The following COMMD1 variants were observed in gnomAD, a reference collection of about 807,000 sequenced individuals.
The protein encoded by COMMD1 is copper metabolism domain containing 1, also known as COMM domain-containing protein 1.
A neutral mutation model predicts 17.2 loss-of-function variants in COMMD1; 10 were observed. That is an observed-to-expected ratio of 0.58 (90% CI 0.36 to 0.99). COMMD1 has a LOEUF of 0.99. Among genes scored for constraint, COMMD1 ranks in the 50% least tolerant of loss-of-function variants. COMMD1 has a pLI of 0.01. For synonymous variants in COMMD1, 97 were observed against 91.6 expected, an observed-to-expected ratio of 1.06 and a Z score of -0.34; for missense variants, 270 against 231.8, an observed-to-expected ratio of 1.17 and a Z score of -1.07.
intron 2 of COMMD1, among the ~76,000 whole-genome samples, chr2:62,045,423 C>A (rs1670352077): frequency 6.6e-6 from 1 of 152,182 alleles, no homozygotes; most frequent in Non-Finnish European, 1.5e-5. Flanking sequence ...ATACCTATAT[C>A]TTAGCAGAGT....
intron 1 of COMMD1, among the ~76,000 whole-genome samples, chr2:61,919,745 T>A (rs895246431): frequency 4.6e-5 from 7 of 152,114 alleles, no homozygotes; most frequent in African/African-American, 1.7e-4. Flanking sequence ...GCATAGCACA[T>A]AACTAAATAA....
chr2:62,064,583 G>C (rs75835915), intron 2 of COMMD1, among the ~76,000 whole-genome samples: 275 of 152,266 alleles, frequency 1.8e-3, no homozygotes, highest in African/African-American at 5.8e-3. Flanking sequence ...TTGCTGAGGA[G>C]AAAGCTCTCT....
chr2:62,130,684 TG>T (rs1673006298), intron 2 of COMMD1, among the ~76,000 whole-genome samples: 1 of 152,218 alleles, frequency 6.6e-6, no homozygotes, highest in South Asian at 2.1e-4. Context: ...TTGTTCTAAA[TG>T]GTTCTATTCA....
At chr2:61,911,935 GT>G (rs906898491) in intron 1 of COMMD1, among the ~76,000 whole-genome samples, 8 of 152,244 alleles carry the variant, frequency 5.3e-5, no homozygotes, top group Admixed American at 4.6e-4. Flanking sequence ...CATGTGAAGT[GT>G]TTTTCCTGTA....
intron 1 of COMMD1, among the ~76,000 whole-genome samples, chr2:61,937,424 A>G (rs1032449522): frequency 6.6e-6 from 1 of 152,208 alleles, no homozygotes; most frequent in Non-Finnish European, 1.5e-5. Context: ...TTGGGATGGC[A>G]TGGCTGGCCT....
chr2:61,942,512 A>G (rs1670777592), intron 1 of COMMD1, among the ~76,000 whole-genome samples: 1 of 139,280 alleles, frequency 7.2e-6, no homozygotes, highest in Non-Finnish European at 1.5e-5. Flanking sequence ...AAGTGCTGGG[A>G]TTACAGGGGT....
chr2:62,055,460 C>T (rs1481581511), intron 2 of COMMD1: 3 of 456,050 alleles, frequency 6.6e-6, no homozygotes, highest in Non-Finnish European at 1.3e-5. Flanking sequence ...ACCAGTGATT[C>T]ACATTCTCCA....
At chr2:62,046,573 C>T (rs368218527) in intron 2 of COMMD1, among the ~76,000 whole-genome samples, 22 of 149,938 alleles carry the variant, frequency 1.5e-4, no homozygotes, top group South Asian at 1.5e-3. Flanking sequence ...GTAGAACGTA[C>T]GATGAAGCAT....
intron 2 of COMMD1, among the ~76,000 whole-genome samples, chr2:62,030,218 T>C (rs901555665): frequency 2.6e-5 from 4 of 152,182 alleles, no homozygotes. Context: ...TTTCATTTCT[T>C]TATGGCCAGT....
At chr2:62,119,978 T>A (rs769352245) in intron 2 of COMMD1, among the ~76,000 whole-genome samples, 6 of 152,160 alleles carry the variant, frequency 3.9e-5, no homozygotes, top group African/African-American at 9.7e-5. Context: ...TTATTTATTT[T>A]TTTTATTATT....
At position 62,000,912 on chromosome 2, in the gene COMMD1, A is replaced by C; in HGVS notation, c.392A>C (p.Gln131Pro). 6.2e-7 allele frequency: 1 copy of C among 1,614,204 alleles called. No individual in the cohort carries two copies. The highest frequency in any genetic ancestry group is 8.5e-7 in the Non-Finnish European group (1 of 1,180,016). Residue 131 changes from glutamine to proline, a missense_variant, in exon 2 of 3, where the codon CAG (glutamine) becomes CCG (proline). Transcript: ENST00000311832. ...GLSWRVDGKS[Q>P]SRHSAQIHTP... ...AGCTGGAGAGTTGATGGCAAGTCTCAGTCAAGGCACTCAGCTCAAATACAC... is the reference window on the plus strand; with the variant it reads ...AGCTGGAGAGTTGATGGCAAGTCTCCGTCAAGGCACTCAGCTCAAATACAC...
intron 1 of COMMD1, among the ~76,000 whole-genome samples, chr2:61,997,506 C>T (rs1233396960): frequency 1.3e-5 from 2 of 152,262 alleles, no homozygotes; most frequent in Admixed American, 1.3e-4. Context: ...TGACTACGTG[C>T]ATTGTTAGTG....
rs1170782326 is a variant in COMMD1, at chr2:62,056,084, A to G, written c.462+55102A>G. ...GGTCATTTTGTGTCAGTATATGCAC[A>G]GACAGAGTGGCTGCCATGACTGGAC... On this transcript the variant is annotated intron_variant, in intron 2 of 2. Coordinates refer to ENST00000311832, the MANE Select transcript of COMMD1 (RefSeq NM_152516.4). Among the ~76,000 whole-genome samples, 3 of 152,242 alleles carry G rather than the reference A, an allele frequency of 2.0e-5. No homozygotes were observed. In the East Asian group the frequency reaches 5.8e-4, roughly 29 times the overall value.
intron 1 of COMMD1, among the ~76,000 whole-genome samples, chr2:61,899,964 G>A (rs187207278): frequency 1.3e-5 from 2 of 152,174 alleles, no homozygotes; most frequent in African/African-American, 2.4e-5. Context: ...GAGCCACCGC[G>A]CCCAGCCTGT....
chr2:62,050,910 C>A (rs944299907), intron 2 of COMMD1, among the ~76,000 whole-genome samples: 12 of 151,974 alleles, frequency 7.9e-5, no homozygotes, highest in African/African-American at 2.4e-4. Flanking sequence ...CAAACAGAAC[C>A]CCTTTTCTTC....
At chr2:62,027,380 A>G (rs1200987360) in intron 2 of COMMD1, among the ~76,000 whole-genome samples, 1 of 152,232 alleles carries the variant, frequency 6.6e-6, no homozygotes, top group African/African-American at 2.4e-5. Flanking sequence ...TTATTACAGC[A>G]TAGGTAATTA....
At chr2:62,091,274 T>A (rs1428254795) in intron 2 of COMMD1, among the ~76,000 whole-genome samples, 2 of 152,242 alleles carry the variant, frequency 1.3e-5, no homozygotes, top group Admixed American at 1.3e-4. Context: ...ATAGCATTCC[T>A]TCAATGTGGC....
At chr2:62,109,006 A>G (rs1011875109) in intron 2 of COMMD1, among the ~76,000 whole-genome samples, 1 of 152,088 alleles carries the variant, frequency 6.6e-6, no homozygotes, top group African/African-American at 2.4e-5. Flanking sequence ...CTCTCCCCAT[A>G]TTGCCCCAGC....
intron 1 of COMMD1, among the ~76,000 whole-genome samples, chr2:61,900,005 T>G (rs1332058732): frequency 6.6e-6 from 1 of 152,220 alleles, no homozygotes; most frequent in African/African-American, 2.4e-5. Flanking sequence ...GAGTAATGTA[T>G]TTCTTGTGAA....
Sources: allele counts gnomAD v4.1 joint callset (sites outside exome capture counted in the v4.1 genomes callset), GRCh38; gene constraint gnomAD v4.1.1; transcripts MANE v1.5; gene names NCBI Gene and HGNC (gene_info 2026-07-23, HGNC 2026-07-21).